GSE1: variants seen among roughly 807,000 people sequenced by gnomAD.
The protein encoded by GSE1 is Gse1 coiled-coil protein.
In GSE1, 32 loss-of-function variants were observed where a neutral mutation model predicts 112.6. That is an observed-to-expected ratio of 0.28 (90% CI 0.21 to 0.38). The LOEUF (loss-of-function observed/expected upper bound fraction) is 0.38, where lower values mean the gene tolerates loss of function less well. GSE1 is among the 10% of genes least tolerant of loss of function. The pLI is 1.00. For synonymous variants in GSE1, 1,115 were observed against 735.6 expected, an observed-to-expected ratio of 1.52 and a Z score of -8.35; for missense variants, 2,348 against 1,699.2, an observed-to-expected ratio of 1.38 and a Z score of -6.71.
At chr16:85,325,774 TG>T (rs1236836716) in intron 1 of GSE1, among the ~76,000 whole-genome samples, 1 of 139,898 alleles carries the variant, frequency 7.1e-6, no homozygotes, top group Non-Finnish European at 1.5e-5. Context: ...TTTTTTTTTT[TG>T]AGACGGAGTC....
At chr16:85,309,468 T>C (rs1237384061) in intron 1 of GSE1, among the ~76,000 whole-genome samples, 1 of 151,814 alleles carries the variant, frequency 6.6e-6, no homozygotes, top group Non-Finnish European at 1.5e-5. Flanking sequence ...GACTCTAGCC[T>C]GGGCGACAGA....
intron 1 of GSE1, among the ~76,000 whole-genome samples, chr16:85,630,243 C>G (rs796516113): frequency 1.6e-4 from 25 of 152,352 alleles, no homozygotes; most frequent in African/African-American, 6.0e-4. Context: ...ACTGCTGCTT[C>G]CATTATACTC....
chr16:85,357,576 G>A (rs2046975634), exon 2 of GSE1: 1 of 1,288,840 alleles, frequency 7.8e-7, no homozygotes, highest in South Asian at 1.2e-5. Flanking sequence ...GGATGGCCCA[G>A]GAGCTGAGGC....
intron 1 of GSE1, among the ~76,000 whole-genome samples, chr16:85,234,550 C>T (rs1023703862): frequency 5.3e-5 from 8 of 152,146 alleles, no homozygotes; most frequent in African/African-American, 1.9e-4. Flanking sequence ...GTAACAGATG[C>T]CTGCCAAGCA....
intron 1 of GSE1, among the ~76,000 whole-genome samples, chr16:85,215,922 A>G (rs544053020): frequency 9.9e-5 from 15 of 152,280 alleles, no homozygotes; most frequent in African/African-American, 3.4e-4. Flanking sequence ...GAGGGCCCTC[A>G]GTCACCTGGA....
intron 2 of GSE1, among the ~76,000 whole-genome samples, chr16:85,438,269 C>T (rs971338037): frequency 6.6e-6 from 1 of 152,190 alleles, no homozygotes; most frequent in Non-Finnish European, 1.5e-5. Context: ...GGATTCAGCC[C>T]AGCCCGGGGG....
chr16:85,319,650 A>T (rs969732426), intron 1 of GSE1, among the ~76,000 whole-genome samples: 1 of 151,976 alleles, frequency 6.6e-6, no homozygotes, highest in Non-Finnish European at 1.5e-5. Context: ...AGGGCCCTCG[A>T]ACACCGCCTC....
chr16:85,358,368 C>A (rs562587147), intron 2 of GSE1, among the ~76,000 whole-genome samples: 1 of 152,138 alleles, frequency 6.6e-6, no homozygotes, highest in East Asian at 1.9e-4. Flanking sequence ...CCTGAAGCCA[C>A]CCCTTAGGCC....
chr16:85,362,728 G>A (rs144305912), intron 2 of GSE1, among the ~76,000 whole-genome samples: 83 of 152,286 alleles, frequency 5.5e-4, no homozygotes, highest in African/African-American at 1.9e-3. Context: ...ATGGCCATTG[G>A]GGCTGCCGTG....
chr16:85,289,060 AC>A (rs2045127540), intron 1 of GSE1, among the ~76,000 whole-genome samples: 1 of 152,146 alleles, frequency 6.6e-6, no homozygotes, highest in African/African-American at 2.4e-5. Context: ...CTCACCACCT[AC>A]CTCTGAATGA....
chr16:85,441,850 G>T (rs2151782928), intron 2 of GSE1, among the ~76,000 whole-genome samples: 1 of 152,210 alleles, frequency 6.6e-6, no homozygotes, highest in Admixed American at 6.5e-5. Context: ...CAGCCAGAGG[G>T]ACCATTTTAG....
intron 2 of GSE1, among the ~76,000 whole-genome samples, chr16:85,475,344 G>A: frequency 6.6e-6 from 1 of 152,220 alleles, no homozygotes; most frequent in East Asian, 1.9e-4. Flanking sequence ...GCCTGTACCT[G>A]GGTGGGGTGG....
chr16:85,546,315 G>A (rs1039090386), intron 2 of GSE1, among the ~76,000 whole-genome samples: 1 of 152,110 alleles, frequency 6.6e-6, no homozygotes, highest in African/African-American at 2.4e-5. Context: ...CGAACTTGTG[G>A]CCTAAGTGAT....
intron 2 of GSE1, among the ~76,000 whole-genome samples, chr16:85,526,430 C>A (rs1405213523): frequency 6.6e-6 from 1 of 152,248 alleles, no homozygotes; most frequent in African/African-American, 2.4e-5. Context: ...GCCAGTCCCA[C>A]GCGCGCCAGC....
intron 1 of GSE1, among the ~76,000 whole-genome samples, chr16:85,298,396 A>G (rs2045426264): frequency 6.6e-6 from 1 of 152,184 alleles, no homozygotes; most frequent in East Asian, 1.9e-4. Context: ...CTGTTTGCAT[A>G]GCCCTGACAG....
chr16:85,238,628 G>T (rs118147703), intron 1 of GSE1, among the ~76,000 whole-genome samples: 1 of 152,188 alleles, frequency 6.6e-6, no homozygotes, highest in African/African-American at 2.4e-5. Flanking sequence ...AGCCAGGCAG[G>T]GTTTGGGTCG....
Position 85,250,207 on chromosome 16 carries a change from GGAGGCCAAGT to G in GSE1, c.2283+78402_2283+78411del, listed in dbSNP as rs1906314668. On this transcript the variant is annotated intron_variant, in intron 1 of 2. Transcript: ENST00000637419. ...TCTTCCCCTTGCCCACACCAGGGAG[GGAGGCCAAGT>G]GGCCTTTCTTTCAGAATGGGCTTGG... 2.6e-5 allele frequency among the ~76,000 whole-genome samples: 4 copies of G among 152,332 alleles called. No homozygotes were observed. In the South Asian group the frequency reaches 6.2e-4, roughly 24 times the overall value.
chr16:85,518,911 C>G (rs1020098268), intron 2 of GSE1, among the ~76,000 whole-genome samples: 2 of 152,172 alleles, frequency 1.3e-5, no homozygotes. Flanking sequence ...CCCGTTTTGT[C>G]CTCCGCTGGC....
chr16:85,617,279 G>T (rs561868220), intron 1 of GSE1, among the ~76,000 whole-genome samples: 1 of 152,354 alleles, frequency 6.6e-6, no homozygotes, highest in African/African-American at 2.4e-5. Context: ...GCGGAGTCCA[G>T]GCCTGGAGGA....
Sources: gnomAD v4.1 joint callset for allele counts (sites outside exome capture counted in the v4.1 genomes callset) on GRCh38, gnomAD v4.1.1 for gene constraint, MANE v1.5 for transcripts, NCBI Gene and HGNC (gene_info 2026-07-23, HGNC 2026-07-21) for gene names.